The following LIMA1 variants were observed in gnomAD, a reference collection of about 807,000 sequenced individuals.
LIMA1 encodes LIM domain and actin binding 1.
Under a neutral mutation model 62.6 loss-of-function variants are expected in LIMA1, and 52 were observed. The ratio of observed to expected loss-of-function variants is 0.83; its 90% CI spans 0.67 to 1.05. The LOEUF is 1.05. Ranked by LOEUF, LIMA1 falls within the 50% of genes least tolerant of loss-of-function variation. The pLI is 0.00. For missense variants in LIMA1, 780 were observed against 902.2 expected (o/e 0.86, Z 1.74); for synonymous variants, 302 against 317.8 (o/e 0.95, Z 0.53).
Position 50,177,661 on chromosome 12 carries a change from T to A in LIMA1, c.1683A>T (p.Glu561Asp). 2 of 1,607,480 alleles carry A rather than the reference T, an allele frequency of 1.2e-6. No homozygotes were observed. Among genetic ancestry groups the A allele is most frequent in the Non-Finnish European group, 1.7e-6 (2 of 1,177,086 alleles). Reference protein sequence around the residue: ...MSKPKWPPEDEISKPEVPEDV... With the variant: ...MSKPKWPPEDDISKPEVPEDV... Reference sequence around the variant, plus strand: ...CCTCAGGAACTTCGGGCTTGCTGATTTCGTCTTCAGGAGGCCATTTGGGCT... The same window carrying A: ...CCTCAGGAACTTCGGGCTTGCTGATATCGTCTTCAGGAGGCCATTTGGGCT... Residue 561 changes from glutamate to aspartate, a missense_variant, in exon 11 of 11, where the codon GAA (glutamate) becomes GAT (aspartate). Glu to Asp is a conservative substitution (Grantham distance 45). Coordinates refer to ENST00000341247, the MANE Select transcript of LIMA1 (RefSeq NM_016357.5).
chr12:50,212,348 GA>G, intron 4 of LIMA1, among the ~76,000 whole-genome samples: 1 of 152,318 alleles, frequency 6.6e-6, no homozygotes, highest in East Asian at 1.9e-4. Context: ...AAGGGCAGAG[GA>G]AGGTTGGCTT....
chr12:50,220,460 G>A (rs1941422081), intron 4 of LIMA1: 1 of 152,168 alleles, frequency 6.6e-6, no homozygotes, highest in Non-Finnish European at 1.5e-5. Context: ...GAGAAAAAGT[G>A]TCTCACCATA....
intron 2 of LIMA1, among the ~76,000 whole-genome samples, chr12:50,235,064 C>G (rs1941671001): frequency 6.6e-6 from 1 of 151,918 alleles, no homozygotes; most frequent in Non-Finnish European, 1.5e-5. Flanking sequence ...TTGCAAGAAG[C>G]TGGGTCTAAA....
intron 4 of LIMA1, among the ~76,000 whole-genome samples, chr12:50,216,201 T>C (rs577948441): frequency 1.3e-5 from 2 of 152,286 alleles, no homozygotes; most frequent in African/African-American, 4.8e-5. Context: ...ACTCACTAAG[T>C]GTCACCGTGG....
chr12:50,253,067 G>C (rs1941950685), intron 1 of LIMA1, among the ~76,000 whole-genome samples: 1 of 152,040 alleles, frequency 6.6e-6, no homozygotes, highest in African/African-American at 2.4e-5. Context: ...ATGAACTTAG[G>C]GTAAAAGAGA....
Position 50,177,987 on chromosome 12 carries a change from C to A in LIMA1, c.1357G>T (p.Asp453Tyr). The A allele has an allele frequency of 6.2e-7, 1 of 1,600,420 alleles. No individual in the cohort carries two copies. Reference protein sequence around the residue: ...NQLFKSKGNYDEGFGHRPHKD... With the variant: ...NQLFKSKGNYYEGFGHRPHKD... The stretch of plus-strand genomic sequence containing the variant: ...TGTGGTCTGTGCCCAAAGCCTTCAT[C>A]ATAGTTGCCCTTAGATTTAAAGAGT... The change falls in exon 11 of 11, where the codon GAT becomes TAT. Residue 453 changes from aspartate to tyrosine, a missense_variant. Coordinates refer to ENST00000341247, the MANE Select transcript of LIMA1 (RefSeq NM_016357.5).
In LIMA1 at chr12:50,177,911, G is replaced by C; in HGVS notation, c.1433C>G (p.Pro478Arg). 1 of 1,613,902 alleles carries C rather than the reference G, an allele frequency of 6.2e-7. No individual in the cohort carries two copies. Among genetic ancestry groups the C allele is most frequent in the Non-Finnish European group, 8.5e-7 (1 of 1,179,966 alleles). The change falls in exon 11 of 11, where the codon CCA (proline) becomes CGA (arginine). Residue 478 changes from proline to arginine, a missense_variant. By Grantham distance (103) the Pro-to-Arg change is moderately radical (BLOSUM62 -2). Transcript: ENST00000341247. ...KNENEEILER[P>R]AQLANARETP... ...CTCCCTTGCATTTGCAAGCTGGGCTGGTCTCTCCAAAATCTCTTCGTTTTC... is the reference window on the plus strand; with the variant it reads ...CTCCCTTGCATTTGCAAGCTGGGCTCGTCTCTCCAAAATCTCTTCGTTTTC...
At chr12:50,195,717 TA>T in intron 8 of LIMA1, 112 bp downstream of exon 8, 1 of 1,025,494 alleles carries the variant, frequency 9.8e-7, no homozygotes, top group South Asian at 1.8e-5. Flanking sequence ...TAAATTCAAG[TA>T]GAGGATTTAC....
At position 50,183,067 on chromosome 12, in the gene LIMA1, T is replaced by C. The variant is rs114304455; in HGVS notation, c.1141-1030A>G. Among the ~76,000 whole-genome samples the C allele has an allele frequency of 7.9e-3, 1,207 of 152,110 alleles. 18 individuals are homozygous for C. Among genetic ancestry groups the C allele is most frequent in the African/African-American group, 0.028 (1,147 of 41,486 alleles). On this transcript the variant is annotated intron_variant, in intron 9 of 10. Coordinates refer to ENST00000341247, the MANE Select transcript of LIMA1 (RefSeq NM_016357.5). ...AAATACAAAAATTAGGCAGGCGTAG[T>C]GGTACACTCGTGTAATCCCAGTTAC...
intron 9 of LIMA1, 57 bp downstream of exon 9, chr12:50,192,395 A>C (rs993243433): frequency 1.1e-5 from 13 of 1,157,048 alleles, no homozygotes; most frequent in Middle Eastern, 1.9e-4. Context: ...TAAAAGGTAC[A>C]ATTAGCTCTA....
At chr12:50,217,357 T>TG (rs1383464906) in intron 4 of LIMA1, among the ~76,000 whole-genome samples, 2 of 152,108 alleles carry the variant, frequency 1.3e-5, no homozygotes, top group African/African-American at 4.8e-5. Flanking sequence ...CAAGAGTGGC[T>TG]GACTCCCTCC....
At chr12:50,203,337 T>C (rs2138479602) in intron 6 of LIMA1, among the ~76,000 whole-genome samples, 1 of 151,940 alleles carries the variant, frequency 6.6e-6, no homozygotes. Context: ...AATTTAGCAG[T>C]TCTGTAGCAT....
chr12:50,193,937 A>T (rs1187412447), intron 8 of LIMA1, among the ~76,000 whole-genome samples: 2 of 148,824 alleles, frequency 1.3e-5, no homozygotes, highest in Non-Finnish European at 1.5e-5. Flanking sequence ...AAGTGCTGGG[A>T]TTACAGGCAT....
chr12:50,200,146 T>C (rs185094747), intron 7 of LIMA1, among the ~76,000 whole-genome samples: 4 of 152,082 alleles, frequency 2.6e-5, no homozygotes, highest in African/African-American at 9.6e-5. Flanking sequence ...CTGCCTGCCT[T>C]GGCCTCCCAA....
rs1432964010 is a variant in LIMA1 at position 50,222,163 on chromosome 12, T to G, written c.488A>C (p.Asn163Thr). The part of the protein sequence containing the change: ...DHSTESKKME[N>T]CLGESRHEVE... ...TTCATGCCTGGATTCTCCTAGACAATTTTCCATTTTTTTACTTTCTGTTGA... is the reference window on the plus strand; with the variant it reads ...TTCATGCCTGGATTCTCCTAGACAAGTTTCCATTTTTTTACTTTCTGTTGA... Residue 163 changes from asparagine to threonine, a missense_variant, in exon 4 of 11, where the codon AAT becomes ACT. Physicochemically the swap from Asn to Thr is moderately conservative, Grantham distance 65. Coordinates refer to ENST00000341247, the MANE Select transcript of LIMA1 (RefSeq NM_016357.5). 6.2e-7 allele frequency: 1 copy of G among 1,614,166 alleles called. No individual in the cohort carries two copies. Among genetic ancestry groups the G allele is most frequent in the East Asian group, 2.2e-5 (1 of 44,890 alleles).
intron 4 of LIMA1, among the ~76,000 whole-genome samples, chr12:50,218,903 AAAAAAACAAAAAC>A (rs1209382916): frequency 6.8e-6 from 1 of 147,936 alleles, no homozygotes; most frequent in African/African-American, 2.6e-5. Context: ...CATAAAAAAA[AAAAAAACAAAAAC>A]AAAAAAAAAA....
At chr12:50,181,774 T>C in intron 10 of LIMA1, 130 bp downstream of exon 10, 1 of 968,632 alleles carries the variant, frequency 1.0e-6, no homozygotes, top group Non-Finnish European at 1.5e-6. Context: ...AAATGATGCT[T>C]TTTACTTTAT....
intron 4 of LIMA1, among the ~76,000 whole-genome samples, chr12:50,207,474 T>A (rs536542561): frequency 2.9e-4 from 44 of 152,324 alleles, no homozygotes; most frequent in African/African-American, 9.9e-4. Flanking sequence ...TTAAAAAAGA[T>A]ATCTGAAATC....
chr12:50,193,631 CGTGTGTGT>C lies in LIMA1; in HGVS notation c.1031-1078_1031-1071del, dbSNP rs67491136. On this transcript the variant is annotated intron_variant, in intron 8 of 10. Coordinates refer to ENST00000341247, the MANE Select transcript of LIMA1 (RefSeq NM_016357.5). ...ATGTATATATATATACATATATATA[CGTGTGTGT>C]GTGTGTGTGTGTATATATATATATA... Among the ~76,000 whole-genome samples the C allele has an allele frequency of 4.6e-5, 4 of 86,032 alleles. No homozygotes were observed. In the Admixed American group the frequency reaches 4.9e-4, roughly 11 times the overall value. The allele number at this position is 86,032 out of a possible 152,430, so 56.4% of individuals were successfully genotyped here. A position where few individuals can be genotyped will look rare whatever the true frequency, so the allele number is the denominator to read the frequency against.
Sources: allele counts gnomAD v4.1 joint callset (sites outside exome capture counted in the v4.1 genomes callset), GRCh38; gene constraint gnomAD v4.1.1; transcripts MANE v1.5; gene names NCBI Gene and HGNC (gene_info 2026-07-23, HGNC 2026-07-21).